The following PPARGC1A variants were observed in gnomAD, a reference collection of about 807,000 sequenced individuals.
PPARGC1A encodes PPARG coactivator 1 alpha.
PPARGC1A carries 25 observed loss-of-function variants against 88.7 expected under a neutral mutation model. The observed-to-expected ratio is 0.28, with a 90% CI of 0.21 to 0.39. The LOEUF (loss-of-function observed/expected upper bound fraction) is 0.39. Among genes scored for constraint, PPARGC1A ranks in the 10% least tolerant of loss-of-function variants. The pLI, the probability that PPARGC1A is intolerant of heterozygous loss-of-function variation, is 1.00. For synonymous variants in PPARGC1A, 363 were observed against 355.6 expected (o/e 1.02, Z -0.24); for missense variants, 880 against 968.7 (o/e 0.91, Z 1.22).
chr4:24,191,086 C>T, the PPARGC1A span, among the ~76,000 whole-genome samples: 3 of 152,164 alleles, frequency 2.0e-5, no homozygotes, highest in Non-Finnish European at 4.4e-5. Flanking sequence ...AAAGGCAGTG[C>T]TCAACAGTTC....
At chr4:24,156,324 A>G in the PPARGC1A span, among the ~76,000 whole-genome samples, 2 of 151,736 alleles carry the variant, frequency 1.3e-5, no homozygotes, top group African/African-American at 4.8e-5. Context: ...CTTCCTTTTT[A>G]GTAAACTGAA....
At chr4:23,862,886 CT>C (rs1297910882) in intron 2 of PPARGC1A, among the ~76,000 whole-genome samples, 1 of 152,202 alleles carries the variant, frequency 6.6e-6, no homozygotes, top group Non-Finnish European at 1.5e-5. Flanking sequence ...CACTCCATGA[CT>C]TCTCCAGAGC....
chr4:23,977,804 C>T, the PPARGC1A span, among the ~76,000 whole-genome samples: 8 of 152,180 alleles, frequency 5.3e-5, no homozygotes, highest in Non-Finnish European at 1.2e-4. Context: ...CTTCTGTCCC[C>T]TACTTCGACG....
At chr4:23,879,032 AAATTT>A (rs148902530) in intron 2 of PPARGC1A, among the ~76,000 whole-genome samples, 5,982 of 152,286 alleles carry the variant, frequency 0.039, 394 homozygotes, top group African/African-American at 0.14. Context: ...TGTGGGCCGT[AAATTT>A]AATTTAAATG....
upstream of PPARGC1A, among the ~76,000 whole-genome samples, chr4:23,901,414 T>C (rs1306869047): frequency 7.5e-6 from 1 of 133,766 alleles, no homozygotes. Flanking sequence ...CATGGTGGCA[T>C]GCGCCTATAG....
chr4:24,076,995 T>G, the PPARGC1A span, among the ~76,000 whole-genome samples: 1 of 151,664 alleles, frequency 6.6e-6, no homozygotes, highest in Non-Finnish European at 1.5e-5. Context: ...TTATTTCTTA[T>G]TTCCCTCCTT....
At chr4:23,844,830 T>A (rs28716891) in intron 2 of PPARGC1A, among the ~76,000 whole-genome samples, 2,503 of 94,794 alleles carry the variant, frequency 0.026, 41 homozygotes, top group African/African-American at 0.048. Context: ...TATATATTAT[T>A]ATAATATATG....
the PPARGC1A span, among the ~76,000 whole-genome samples, chr4:23,965,769 T>A: frequency 7.2e-5 from 11 of 152,144 alleles, no homozygotes; most frequent in African/African-American, 2.7e-4. Context: ...CTCCTTTAAC[T>A]CCTGTCCTAC....
At chr4:24,112,723 T>C in the PPARGC1A span, among the ~76,000 whole-genome samples, 1 of 152,218 alleles carries the variant, frequency 6.6e-6, no homozygotes, top group East Asian at 1.9e-4. Context: ...CTTGAAGTCA[T>C]TGGTGACATA....
chr4:24,362,055 T>C, the PPARGC1A span, among the ~76,000 whole-genome samples: 1 of 152,228 alleles, frequency 6.6e-6, no homozygotes, highest in African/African-American at 2.4e-5. Flanking sequence ...GACAAAATCC[T>C]ATGCAAAACT....
At chr4:23,981,126 C>A in the PPARGC1A span, among the ~76,000 whole-genome samples, 3 of 151,998 alleles carry the variant, frequency 2.0e-5, no homozygotes, top group Admixed American at 6.6e-5. Context: ...CACTTCTACA[C>A]ATATCTCTTT....
At chr4:24,147,776 A>G in the PPARGC1A span, among the ~76,000 whole-genome samples, 2 of 152,230 alleles carry the variant, frequency 1.3e-5, no homozygotes, top group East Asian at 3.9e-4. Flanking sequence ...GGTGAAACCC[A>G]TCTCTACTAA....
chr4:24,073,591 A>G, the PPARGC1A span, among the ~76,000 whole-genome samples: 1 of 152,184 alleles, frequency 6.6e-6, no homozygotes, highest in African/African-American at 2.4e-5. Context: ...TGGGAGTGAT[A>G]GCGAGATGAT....
At chr4:24,059,997 G>A in the PPARGC1A span, among the ~76,000 whole-genome samples, 5 of 152,238 alleles carry the variant, frequency 3.3e-5, no homozygotes, top group East Asian at 3.9e-4. Context: ...AAGCACACCT[G>A]GGACGTCACA....
At chr4:24,049,308 G>GTGTATATATATATATATATATA in the PPARGC1A span, among the ~76,000 whole-genome samples, 1 of 139,550 alleles carries the variant, frequency 7.2e-6, no homozygotes, top group South Asian at 2.2e-4. Flanking sequence ...ATATATGTGT[G>GTGTATATATATATATATATATA]TATATATATA....
chr4:23,797,815 GAGCAC>G (rs1717893184), intron 12 of PPARGC1A, among the ~76,000 whole-genome samples: 2 of 152,106 alleles, frequency 1.3e-5, no homozygotes, highest in Non-Finnish European at 2.9e-5. Context: ...AAGGATATTG[GAGCAC>G]AGTAAGATAT....
the PPARGC1A span, among the ~76,000 whole-genome samples, chr4:24,261,902 A>C: frequency 6.6e-6 from 1 of 152,200 alleles, no homozygotes; most frequent in Non-Finnish European, 1.5e-5. Context: ...ATACAGATGC[A>C]CAATCTGCCT....
the PPARGC1A span, among the ~76,000 whole-genome samples, chr4:24,064,875 C>A: frequency 6.6e-6 from 1 of 152,136 alleles, no homozygotes; most frequent in Admixed American, 6.5e-5. Context: ...GCCTCACTTA[C>A]AATCCAGGTT....
the PPARGC1A span, among the ~76,000 whole-genome samples, chr4:23,922,618 G>T: frequency 2.0e-5 from 3 of 152,156 alleles, no homozygotes; most frequent in Non-Finnish European, 4.4e-5. Context: ...TGAGGCGGAG[G>T]TTTCTGCTGG....
Sources: gnomAD v4.1 joint callset for allele counts (sites outside exome capture counted in the v4.1 genomes callset) on GRCh38, gnomAD v4.1.1 for gene constraint, MANE v1.5 for transcripts, NCBI Gene and HGNC (gene_info 2026-07-23, HGNC 2026-07-21) for gene names.